The following CEP128 variants were observed in gnomAD, a reference collection of about 807,000 sequenced individuals.
CEP128 encodes centrosomal protein 128kDa.
Under a neutral mutation model 156.7 loss-of-function variants are expected in CEP128, and 132 were observed. The observed-to-expected ratio is 0.84, with a 90% CI of 0.73 to 0.97. The LOEUF (loss-of-function observed/expected upper bound fraction) is 0.97, where lower values mean the gene tolerates loss of function less well. Among genes scored for constraint, CEP128 ranks in the 50% least tolerant of loss-of-function variants. The pLI, the probability that CEP128 is intolerant of heterozygous loss-of-function variation, is 0.00. For missense variants in CEP128, 1,252 were observed against 1,281.9 expected, an observed-to-expected ratio of 0.98 and a Z score of 0.36; for synonymous variants, 469 against 448.9, an observed-to-expected ratio of 1.04 and a Z score of -0.57.
chr14:80,520,716 A>G (rs1888701691), intron 23 of CEP128, among the ~76,000 whole-genome samples: 1 of 152,196 alleles, frequency 6.6e-6, no homozygotes, highest in African/African-American at 2.4e-5. Context: ...ATAAACAAGC[A>G]TACTCAAAAA....
chr14:80,729,069 GT>G (rs1898151086), intron 19 of CEP128, among the ~76,000 whole-genome samples: 1 of 46,008 alleles, frequency 2.2e-5, no homozygotes, highest in Admixed American at 1.9e-4. Flanking sequence ...GTGTGTGTGT[GT>G]GTGTGTGTGT....
At chr14:80,498,277 C>G (rs1436483245) in intron 24 of CEP128, among the ~76,000 whole-genome samples, 1 of 152,182 alleles carries the variant, frequency 6.6e-6, no homozygotes, top group Non-Finnish European at 1.5e-5. Flanking sequence ...CCATTACTCT[C>G]ATCAGCCCCC....
chr14:80,796,895 C>T (rs1007462349), intron 13 of CEP128, among the ~76,000 whole-genome samples: 2 of 152,142 alleles, frequency 1.3e-5, no homozygotes, highest in African/African-American at 2.4e-5. Flanking sequence ...CAACTCCTAA[C>T]AAAAAGGCAG....
intron 19 of CEP128, among the ~76,000 whole-genome samples, chr14:80,728,537 C>T (rs1898107193): frequency 6.6e-6 from 1 of 151,882 alleles, no homozygotes; most frequent in Non-Finnish European, 1.5e-5. Context: ...AAAAAAAGTA[C>T]ATTTTAAATG....
chr14:80,659,814 T>C (rs1335779977), intron 19 of CEP128, among the ~76,000 whole-genome samples: 1 of 152,190 alleles, frequency 6.6e-6, no homozygotes, highest in Admixed American at 6.5e-5. Flanking sequence ...ACACTCAATT[T>C]CCAAGTCAGA....
intron 19 of CEP128, among the ~76,000 whole-genome samples, chr14:80,695,142 T>C (rs1289965334): frequency 6.6e-6 from 1 of 151,878 alleles, no homozygotes; most frequent in South Asian, 2.1e-4. Flanking sequence ...GGGATTGCAT[T>C]TGTGCCTATG....
Position 80,822,516 on chromosome 14 carries a change from C to A in CEP128, c.1209+8627G>T. ...TCCCGCGTCCACCACCTACATCCTG[C>A]CGCCACCATGCCCAAGAGAAAGGCT... On this transcript the variant is annotated intron_variant, in intron 13 of 24. Coordinates refer to ENST00000555265, the MANE Select transcript of CEP128 (RefSeq NM_152446.5). 28 of 635,440 alleles carry A rather than the reference C, an allele frequency of 4.4e-5. 1 individual carries two copies. The highest frequency in any genetic ancestry group is 3.6e-4 in the South Asian group (26 of 72,248). 39.4% of individuals were successfully genotyped at this position (635,440 alleles called of 1,614,324 possible).
upstream of CEP128, among the ~76,000 whole-genome samples, chr14:80,942,694 C>A (rs1886216729): frequency 6.6e-6 from 1 of 152,030 alleles, no homozygotes; most frequent in East Asian, 1.9e-4. Context: ...CTCTATTAGC[C>A]CTTCAAAGGG....
chr14:80,803,195 T>C (rs1883976500), intron 13 of CEP128, among the ~76,000 whole-genome samples: 1 of 152,160 alleles, frequency 6.6e-6, no homozygotes, highest in Admixed American at 6.6e-5. Flanking sequence ...TTTTAATAAA[T>C]GTGATATATA....
chr14:80,659,502 T>C (rs1266182302), intron 19 of CEP128, among the ~76,000 whole-genome samples: 1 of 152,214 alleles, frequency 6.6e-6, no homozygotes, highest in Admixed American at 6.5e-5. Flanking sequence ...ACAGCATTAA[T>C]GCCATCATTT....
At chr14:80,736,798 C>A (rs2139561944) in intron 19 of CEP128, among the ~76,000 whole-genome samples, 1 of 152,328 alleles carries the variant, frequency 6.6e-6, no homozygotes, top group East Asian at 1.9e-4. Flanking sequence ...CATTTACTGA[C>A]TAAAGACATG....
chr14:80,861,850 A>G (rs2140156874), intron 9 of CEP128, among the ~76,000 whole-genome samples: 1 of 152,352 alleles, frequency 6.6e-6, no homozygotes, highest in Non-Finnish European at 1.5e-5. Context: ...ATATAGATGA[A>G]AAATGATTTA....
downstream of CEP128, among the ~76,000 whole-genome samples, chr14:80,495,470 C>G (rs1887461367): frequency 6.6e-6 from 1 of 152,004 alleles, no homozygotes; most frequent in African/African-American, 2.4e-5. Flanking sequence ...ATATTTAAGT[C>G]AGACACCTTC....
intron 19 of CEP128, among the ~76,000 whole-genome samples, chr14:80,732,473 T>G (rs964741462): frequency 4.8e-5 from 4 of 84,148 alleles, no homozygotes; most frequent in East Asian, 5.9e-4. Context: ...ATTAAGCAGG[T>G]GTGTGTGTGT....
At chr14:80,870,765 G>T (rs1364715399) in intron 8 of CEP128, among the ~76,000 whole-genome samples, 1 of 151,526 alleles carries the variant, frequency 6.6e-6, no homozygotes, top group Admixed American at 6.6e-5. Context: ...GCAAGAAAAA[G>T]AAATAAAAGG....
chr14:80,671,076 C>T (rs1167639675), intron 19 of CEP128, among the ~76,000 whole-genome samples: 1 of 152,106 alleles, frequency 6.6e-6, no homozygotes, highest in Non-Finnish European at 1.5e-5. Context: ...GGAATGAGTA[C>T]AGTCATTTGG....
intron 18 of CEP128, among the ~76,000 whole-genome samples, chr14:80,755,799 T>C (rs533482607): frequency 6.6e-6 from 1 of 152,310 alleles, no homozygotes; most frequent in African/African-American, 2.4e-5. Context: ...ATAGATTCAA[T>C]TCCCCCTTAG....
chr14:80,572,871 T>A (rs143359827), intron 20 of CEP128, among the ~76,000 whole-genome samples: 2,042 of 152,244 alleles, frequency 0.013, 39 homozygotes, highest in Non-Finnish European at 0.015. Context: ...CAAATCATCT[T>A]CCCCCTGGTG....
chr14:80,860,834 T>TA (rs1490972159), intron 9 of CEP128, among the ~76,000 whole-genome samples: 2 of 151,994 alleles, frequency 1.3e-5, no homozygotes, highest in African/African-American at 2.4e-5. Flanking sequence ...AAAAAAACTT[T>TA]AAAAAATCTG....
Sources: allele counts gnomAD v4.1 joint callset (sites outside exome capture counted in the v4.1 genomes callset), GRCh38; gene constraint gnomAD v4.1.1; transcripts MANE v1.5; gene names NCBI Gene and HGNC (gene_info 2026-07-23, HGNC 2026-07-21).